BCAS3: variants seen among roughly 807,000 people sequenced by gnomAD.
BCAS3 encodes BCAS3 microtubule associated cell migration factor, also known as BCAS4/BCAS3 fusion.
Under a neutral mutation model 116.1 loss-of-function variants are expected in BCAS3, and 53 were observed. The ratio of observed to expected loss-of-function variants is 0.46; its 90% CI spans 0.37 to 0.57. BCAS3 has a LOEUF of 0.57. BCAS3 is among the 20% of genes least tolerant of loss of function. The pLI is 0.00. For synonymous variants in BCAS3, 391 were observed against 408.2 expected, an observed-to-expected ratio of 0.96 and a Z score of 0.51; for missense variants, 917 against 1,165.4, an observed-to-expected ratio of 0.79 and a Z score of 3.10.
In BCAS3 at chr17:60,912,112, C is replaced by T. The variant is rs1422116621; in HGVS notation, c.993+1410C>T. ...ACTCTATTTTCTTTTGTGTCATAGT[C>T]TTCATTTTAAATATACGTTTCTTAA... is the stretch of plus-strand genomic sequence containing the variant. On this transcript the variant is annotated intron_variant, in intron 12 of 23. Coordinates refer to ENST00000407086, the MANE Select transcript of BCAS3 (RefSeq NM_017679.5). 2.6e-5 allele frequency among the ~76,000 whole-genome samples: 4 copies of T among 152,012 alleles called. No individual in the cohort carries two copies. In the East Asian group the frequency reaches 7.7e-4, roughly 29 times the overall value.
chr17:61,254,777 G>GGAAAAAAAAAAA (rs749297966), intron 22 of BCAS3, among the ~76,000 whole-genome samples: 3 of 73,528 alleles, frequency 4.1e-5, no homozygotes, highest in Non-Finnish European at 6.6e-5. Context: ...CTCCGTCTCA[G>GGAAAAAAAAAAA]AAAAAAAAAA....
At chr17:60,950,446 A>G (rs2060771293) in intron 14 of BCAS3, among the ~76,000 whole-genome samples, 2 of 152,202 alleles carry the variant, frequency 1.3e-5, no homozygotes. Context: ...ATGAGGTGTT[A>G]TTTGACATTT....
chr17:60,762,046 T>TG (rs1353043173), intron 6 of BCAS3, among the ~76,000 whole-genome samples: 1 of 152,176 alleles, frequency 6.6e-6, no homozygotes, highest in African/African-American at 2.4e-5. Context: ...CGCTTTTGGA[T>TG]GGGGTTGTTT....
chr17:61,073,225 C>G lies in BCAS3; in HGVS notation c.2030-1695C>G. The stretch of plus-strand genomic sequence containing the variant: ...CTTTTGTGATCATTTGTGTTTTGTA[C>G]AAATGCCACCATGCCGCTTGGCTGT... On this transcript the variant is annotated intron_variant, in intron 19 of 23. Transcript: ENST00000407086. The surrounding 1 kb of genome is among the most constrained non-coding windows in gnomAD (Gnocchi z 4.6). 6.6e-6 allele frequency among the ~76,000 whole-genome samples: 1 copy of G among 152,110 alleles called. No individual in the cohort carries two copies. Among genetic ancestry groups the G allele is most frequent in the Non-Finnish European group, 1.5e-5 (1 of 68,016 alleles).
At chr17:60,754,680 TACACACAC>T (rs772900751) in intron 6 of BCAS3, among the ~76,000 whole-genome samples, 411 of 145,436 alleles carry the variant, frequency 2.8e-3, no homozygotes, top group African/African-American at 0.011. Flanking sequence ...AAATTTAAAA[TACACACAC>T]ACACACACAC....
intron 14 of BCAS3, among the ~76,000 whole-genome samples, chr17:60,977,422 TC>T (rs2062476441): frequency 6.6e-6 from 1 of 151,942 alleles, no homozygotes; most frequent in African/African-American, 2.4e-5. Flanking sequence ...AGGTGAACCT[TC>T]CACTTCAGCC....
chr17:60,700,123 A>C (rs1298562686), intron 4 of BCAS3, among the ~76,000 whole-genome samples: 2 of 150,152 alleles, frequency 1.3e-5, no homozygotes, highest in East Asian at 3.9e-4. Context: ...GTAGTGAGTC[A>C]TGTTTGTGTC....
At chr17:61,078,560 A>G (rs1261626075) in intron 21 of BCAS3, 31 bp downstream of exon 21, 3 of 1,559,808 alleles carry the variant, frequency 1.9e-6, no homozygotes, top group African/African-American at 2.7e-5. Flanking sequence ...AGTGATTTGA[A>G]CAAAAGGATT....
intron 19 of BCAS3, among the ~76,000 whole-genome samples, chr17:61,067,718 CAAACAA>C (rs1170064220): frequency 3.4e-5 from 3 of 87,878 alleles, no homozygotes; most frequent in Admixed American, 1.2e-4. Context: ...CCATCTCAAA[CAAACAA>C]ACAAAAAAAA....
intron 11 of BCAS3, among the ~76,000 whole-genome samples, chr17:60,906,338 A>G (rs952707722): frequency 2.0e-5 from 3 of 152,118 alleles, no homozygotes; most frequent in African/African-American, 4.8e-5. Flanking sequence ...TAATAATCCA[A>G]TTTCAGGGAT....
At chr17:61,031,017 T>A (rs2145586026) in intron 16 of BCAS3, among the ~76,000 whole-genome samples, 1 of 152,090 alleles carries the variant, frequency 6.6e-6, no homozygotes, top group African/African-American at 2.4e-5. Flanking sequence ...CAATACAAAT[T>A]TAAATATTTT....
At position 61,156,724 on chromosome 17, in the gene BCAS3, G is replaced by A. The variant is rs2077863756; in HGVS notation, c.2425+72160G>A. On this transcript the variant is annotated intron_variant, in intron 22 of 23. Coordinates refer to ENST00000407086, the MANE Select transcript of BCAS3 (RefSeq NM_017679.5). This position sits in a 1 kb window ranked among gnomAD's most constrained non-coding sequence, Gnocchi z 4.7. ...TCCTAATTGGCACATAACAATAATT[G>A]TTTCTATCCTGCTATAAACCATAAG... is the stretch of plus-strand genomic sequence containing the variant. Among the ~76,000 whole-genome samples, 1 of 152,070 alleles carries A rather than the reference G, an allele frequency of 6.6e-6. No homozygotes were observed. The highest frequency in any genetic ancestry group is 2.4e-5 in the African/African-American group (1 of 41,406).
chr17:61,133,882 A>AAAT (rs10666837), intron 22 of BCAS3, among the ~76,000 whole-genome samples: 1 of 150,092 alleles, frequency 6.7e-6, no homozygotes, highest in South Asian at 2.1e-4. Flanking sequence ...AAAAAAAAAA[A>AAAT]GGAAACCCAA....
chr17:60,771,419 G>T (rs2044694621), intron 6 of BCAS3, among the ~76,000 whole-genome samples: 1 of 150,506 alleles, frequency 6.6e-6, no homozygotes, highest in Non-Finnish European at 1.5e-5. Context: ...AAAGTATGTT[G>T]CAAAGACAGC....
chr17:61,169,855 A>ATTATT (rs2078729362), intron 22 of BCAS3, among the ~76,000 whole-genome samples: 1 of 152,116 alleles, frequency 6.6e-6, no homozygotes, highest in Admixed American at 6.5e-5. Flanking sequence ...AATAATTAAC[A>ATTATT]TTATTTTCTT....
At position 61,307,973 on chromosome 17, in the gene BCAS3, C is replaced by T. The variant is rs1313296687; in HGVS notation, c.2426-60354C>T. Among the ~76,000 whole-genome samples the T allele has an allele frequency of 2.0e-5, 3 of 152,126 alleles. No individual in the cohort carries two copies. Among genetic ancestry groups the T allele is most frequent in the African/African-American group, 7.2e-5 (3 of 41,414 alleles). On this transcript the variant is annotated intron_variant, in intron 22 of 23. Transcript: ENST00000407086. This position sits in a 1 kb window ranked among gnomAD's most constrained non-coding sequence, Gnocchi z 4.7. Reference sequence around the variant, plus strand: ...TTTTCCAAGCACTCATTAAATTGAGCAGAGAAGTAATCTATTTCATCCAAT... The same window carrying T: ...TTTTCCAAGCACTCATTAAATTGAGTAGAGAAGTAATCTATTTCATCCAAT...
rs1223395089 is a variant in BCAS3, at chr17:61,381,036, T to C, written c.2594-10941T>C. ...TTAGCCCCGACTCCTGGCCACTTGT[T>C]GTCTGCGCTTGTCTGTCCATTTATA... On this transcript the variant is annotated intron_variant, in intron 23 of 23. Coordinates refer to ENST00000407086, the MANE Select transcript of BCAS3 (RefSeq NM_017679.5). The surrounding 1 kb of genome is among the most constrained non-coding windows in gnomAD (Gnocchi z 6.0). 2.0e-5 allele frequency among the ~76,000 whole-genome samples: 3 copies of C among 152,230 alleles called. No individual in the cohort carries two copies. The highest frequency in any genetic ancestry group is 1.3e-4 in the Admixed American group (2 of 15,278).
chr17:61,335,654 A>G (rs2056662875), intron 22 of BCAS3, among the ~76,000 whole-genome samples: 2 of 152,196 alleles, frequency 1.3e-5, no homozygotes, highest in Non-Finnish European at 2.9e-5. Context: ...AGGCTGAGGC[A>G]GGAGGATCGC....
At chr17:60,929,060 G>A (rs1017294287) in intron 13 of BCAS3, among the ~76,000 whole-genome samples, 1 of 152,084 alleles carries the variant, frequency 6.6e-6, no homozygotes, top group African/African-American at 2.4e-5. Flanking sequence ...GTATTTTCTA[G>A]CACTCTTCAT....
Sources: gnomAD v4.1 joint callset for allele counts (sites outside exome capture counted in the v4.1 genomes callset) on GRCh38, gnomAD v4.1.1 for gene constraint, Gnocchi (gnomAD v3.1) non-coding constraint, MANE v1.5 for transcripts, NCBI Gene and HGNC (gene_info 2026-07-23, HGNC 2026-07-21) for gene names.